The following FAM107B variants were observed in gnomAD, a reference collection of about 807,000 sequenced individuals.
The protein encoded by FAM107B is family with sequence similarity 107 member B.
Under a neutral mutation model 31.5 loss-of-function variants are expected in FAM107B, and 21 were observed. The ratio of observed to expected loss-of-function variants is 0.67; its 90% CI spans 0.47 to 0.96. The LOEUF (loss-of-function observed/expected upper bound fraction) is 0.96, where lower values mean the gene tolerates loss of function less well. Among genes scored for constraint, FAM107B ranks in the 40% least tolerant of loss-of-function variants. The pLI is 0.00. For synonymous variants in FAM107B, 157 were observed against 141.5 expected (o/e 1.11, Z -0.78); for missense variants, 452 against 377.1 (o/e 1.20, Z -1.64).
chr10:14,715,874 G>A (rs890889478), intron 1 of FAM107B, among the ~76,000 whole-genome samples: 5 of 152,102 alleles, frequency 3.3e-5, no homozygotes, highest in Admixed American at 1.3e-4. Flanking sequence ...TTTGTACTCT[G>A]ACCAAATTAC....
At chr10:14,548,712 A>C in intron 2 of FAM107B, 1 of 952,388 alleles carries the variant, frequency 1.0e-6, no homozygotes, top group Non-Finnish European at 1.2e-6. Context: ...TCACATGACC[A>C]CTCTAGCCGC....
At chr10:14,771,631 T>C (rs1833304985) in intron 1 of FAM107B, among the ~76,000 whole-genome samples, 1 of 150,500 alleles carries the variant, frequency 6.6e-6, no homozygotes, top group African/African-American at 2.5e-5. Context: ...TAAAAATAAA[T>C]TAAAAAACAA....
chr10:14,667,977 C>T (rs905391807), intron 1 of FAM107B, among the ~76,000 whole-genome samples: 2 of 152,102 alleles, frequency 1.3e-5, no homozygotes, highest in African/African-American at 4.8e-5. Flanking sequence ...CAGGGGCCCC[C>T]TGTGACTAAT....
At chr10:14,531,298 T>C (rs543990856) in intron 2 of FAM107B, among the ~76,000 whole-genome samples, 20 of 152,092 alleles carry the variant, frequency 1.3e-4, no homozygotes, top group Non-Finnish European at 2.5e-4. Context: ...TGTGGGAGGA[T>C]CACTGAGGCC....
chr10:14,591,475 C>A (rs1001619978), intron 2 of FAM107B, among the ~76,000 whole-genome samples: 19 of 152,320 alleles, frequency 1.2e-4, no homozygotes, highest in African/African-American at 4.6e-4. Flanking sequence ...TGCCCCTAAG[C>A]TGTATCAATG....
intron 2 of FAM107B, among the ~76,000 whole-genome samples, chr10:14,572,739 T>TGTA (rs1554835533): frequency 1.1e-5 from 1 of 92,004 alleles, no homozygotes; most frequent in East Asian, 3.4e-4. Flanking sequence ...AAAAAAAAAT[T>TGTA]TATATATATA....
At chr10:14,654,120 T>C (rs1040420299) in intron 2 of FAM107B, among the ~76,000 whole-genome samples, 6 of 151,232 alleles carry the variant, frequency 4.0e-5, no homozygotes, top group African/African-American at 1.5e-4. Context: ...TTTTTTTTTT[T>C]CCACTGCTTA....
chr10:14,629,482 A>ATTT (rs1173731705), intron 2 of FAM107B, among the ~76,000 whole-genome samples: 1 of 108,884 alleles, frequency 9.2e-6, no homozygotes, highest in African/African-American at 3.9e-5. Context: ...ATATATATAT[A>ATTT]ACATATATAA....
chr10:14,537,980 G>A (rs780371683), intron 2 of FAM107B, among the ~76,000 whole-genome samples: 2 of 152,110 alleles, frequency 1.3e-5, no homozygotes, highest in Non-Finnish European at 2.9e-5. Context: ...GCTGCCCAAG[G>A]TTACCAAGCT....
intron 2 of FAM107B, among the ~76,000 whole-genome samples, chr10:14,650,621 G>T (rs1239334573): frequency 6.6e-6 from 1 of 152,118 alleles, no homozygotes; most frequent in Non-Finnish European, 1.5e-5. Flanking sequence ...AATACTTATT[G>T]CTTACGTATT....
At chr10:14,604,041 C>A (rs1229098650) in intron 2 of FAM107B, among the ~76,000 whole-genome samples, 11 of 146,544 alleles carry the variant, frequency 7.5e-5, no homozygotes, top group African/African-American at 1.2e-4. Flanking sequence ...CCGCCCTGAG[C>A]CCCGGCACCT....
chr10:14,538,982 T>C (rs1431802118), intron 2 of FAM107B, among the ~76,000 whole-genome samples: 1 of 152,232 alleles, frequency 6.6e-6, no homozygotes, highest in African/African-American at 2.4e-5. Flanking sequence ...GGTCTCAGCA[T>C]TCTTGAAAAC....
At chr10:14,738,650 C>T (rs960208694) in intron 1 of FAM107B, among the ~76,000 whole-genome samples, 1 of 152,148 alleles carries the variant, frequency 6.6e-6, no homozygotes, top group Non-Finnish European at 1.5e-5. Context: ...ACAGCACCTG[C>T]GGGACTACCT....
intron 2 of FAM107B, among the ~76,000 whole-genome samples, chr10:14,631,443 C>T (rs530929112): frequency 1.3e-5 from 2 of 152,330 alleles, no homozygotes; most frequent in East Asian, 1.9e-4. Context: ...AATTCTACAG[C>T]ACAACTTTTA....
At chr10:14,593,722 A>G (rs1469129039) in intron 2 of FAM107B, among the ~76,000 whole-genome samples, 3 of 152,004 alleles carry the variant, frequency 2.0e-5, no homozygotes, top group Non-Finnish European at 4.4e-5. Flanking sequence ...ATTATTGCTT[A>G]TCATGGCTAA....
intron 2 of FAM107B, among the ~76,000 whole-genome samples, chr10:14,611,729 G>A (rs1852732479): frequency 6.6e-6 from 1 of 151,482 alleles, no homozygotes; most frequent in African/African-American, 2.4e-5. Context: ...TCTGCTGAAG[G>A]CCTCCCAAAA....
chr10:14,551,698 A>G, intron 2 of FAM107B, among the ~76,000 whole-genome samples: 1 of 116,066 alleles, frequency 8.6e-6, no homozygotes, highest in East Asian at 2.6e-4. Context: ...CTGGAAAAAA[A>G]AATATCTGTA....
chr10:14,647,710 C>T (rs1853793540), intron 2 of FAM107B, among the ~76,000 whole-genome samples: 1 of 149,966 alleles, frequency 6.7e-6, no homozygotes, highest in African/African-American at 2.4e-5. Context: ...AAAAAGATTG[C>T]TAATTCAAAC....
chr10:14,767,969 C>T (rs1405839556), intron 1 of FAM107B, among the ~76,000 whole-genome samples: 1 of 152,052 alleles, frequency 6.6e-6, no homozygotes, highest in Non-Finnish European at 1.5e-5. Flanking sequence ...AAGATAAAGA[C>T]CCCTGCACAA....
Sources: gnomAD v4.1 joint callset for allele counts (sites outside exome capture counted in the v4.1 genomes callset) on GRCh38, gnomAD v4.1.1 for gene constraint, MANE v1.5 for transcripts, NCBI Gene and HGNC (gene_info 2026-07-23, HGNC 2026-07-21) for gene names.